Variants in C7orf33 observed in about 807,000 individuals in gnomAD.
The protein encoded by C7orf33 is chromosome 7 open reading frame 33.
Under a neutral mutation model 13.4 loss-of-function variants are expected in C7orf33, and 15 were observed. The ratio of observed to expected loss-of-function variants is 1.12; its 90% CI spans 0.75 to 1.72. The LOEUF (loss-of-function observed/expected upper bound fraction) is 1.72, where lower values mean the gene tolerates loss of function less well. Among genes scored for constraint, C7orf33 ranks in the 40% most tolerant of loss-of-function variants. The pLI, the probability that C7orf33 is intolerant of heterozygous loss-of-function variation, is 0.00. For missense variants in C7orf33, 187 were observed against 220.3 expected, an observed-to-expected ratio of 0.85 and a Z score of 0.96; for synonymous variants, 73 against 83.2, an observed-to-expected ratio of 0.88 and a Z score of 0.67.
At chr7:148,603,584 T>C (rs1032245760) in intron 1 of C7orf33, among the ~76,000 whole-genome samples, 1 of 152,148 alleles carries the variant, frequency 6.6e-6, no homozygotes, top group Non-Finnish European at 1.5e-5. Flanking sequence ...CAGCACTGCT[T>C]CTGAGTGAGA....
Position 148,614,269 on chromosome 7 carries a change from G to A in C7orf33, c.432G>A (p.Gly144=), listed in dbSNP as rs1262573991. The A allele has an allele frequency of 6.2e-7, 1 of 1,614,192 alleles. No individual in the cohort carries two copies. The highest frequency in any genetic ancestry group is 1.1e-5 in the South Asian group (1 of 91,080). ...LDLLTLSYKP[G]RTVTSSYLNV... Reference sequence around the variant, plus strand: ...TGCTAACTCTCTCTTACAAGCCTGGGAGGACAGTGACAAGTTCATACCTAA... The same window carrying A: ...TGCTAACTCTCTCTTACAAGCCTGGAAGGACAGTGACAAGTTCATACCTAA... The change falls in exon 2 of 3, where the codon GGG becomes GGA. Residue 144 remains glycine, a synonymous_variant. Coordinates refer to ENST00000307003, the MANE Select transcript of C7orf33 (RefSeq NM_145304.4).
chr7:148,609,158 A>G (rs1796509709), intron 1 of C7orf33, among the ~76,000 whole-genome samples: 1 of 151,912 alleles, frequency 6.6e-6, no homozygotes, highest in Admixed American at 6.6e-5. Flanking sequence ...GTAGCACATC[A>G]ACAAGATTCT....
chr7:148,613,537 A>G (rs905732879), intron 1 of C7orf33, among the ~76,000 whole-genome samples: 2 of 152,250 alleles, frequency 1.3e-5, no homozygotes, highest in African/African-American at 4.8e-5. Flanking sequence ...CCTTGAAAAC[A>G]TCACGCTAAG....
At chr7:148,606,102 A>G (rs1254368255) in intron 1 of C7orf33, among the ~76,000 whole-genome samples, 1 of 152,152 alleles carries the variant, frequency 6.6e-6, no homozygotes, top group East Asian at 1.9e-4. Context: ...CATCACCACC[A>G]CAAATCCCAA....
intron 1 of C7orf33, among the ~76,000 whole-genome samples, chr7:148,591,504 C>A (rs1402490612): frequency 6.6e-6 from 1 of 152,188 alleles, no homozygotes; most frequent in Non-Finnish European, 1.5e-5. Flanking sequence ...TCTTGGTCAC[C>A]CTTTGGCACA....
intron 1 of C7orf33, among the ~76,000 whole-genome samples, chr7:148,608,174 T>C (rs888215288): frequency 3.9e-5 from 6 of 152,172 alleles, no homozygotes; most frequent in Non-Finnish European, 8.8e-5. Context: ...TACGCCTGTA[T>C]TCCCAGCACT....
At chr7:148,594,717 A>G (rs1796309189) in intron 1 of C7orf33, among the ~76,000 whole-genome samples, 1 of 152,196 alleles carries the variant, frequency 6.6e-6, no homozygotes, top group Admixed American at 6.5e-5. Flanking sequence ...GGTTTAGGGA[A>G]AATATGATGA....
In C7orf33 at chr7:148,600,948, A is replaced by G. The variant is rs111798427; in HGVS notation, c.204+9819A>G. Among the ~76,000 whole-genome samples, 1,340 of 151,940 alleles carry G rather than the reference A, an allele frequency of 8.8e-3. 17 individuals carry two copies. Among genetic ancestry groups the G allele is most frequent in the African/African-American group, 0.031 (1,278 of 41,458 alleles). On this transcript the variant is annotated intron_variant, in intron 1 of 2. Transcript: ENST00000307003. ...CTCCTGAGTAGCTGGGACTACAGGC[A>G]CACGCCACCACACCCAGCTGATTTT...
intron 1 of C7orf33, among the ~76,000 whole-genome samples, chr7:148,595,578 TATAG>T (rs1398705100): frequency 7.5e-6 from 1 of 133,374 alleles, no homozygotes; most frequent in Non-Finnish European, 1.5e-5. Context: ...ATATATATAA[TATAG>T]ATCTATATTA....
rs1299616479 is a variant in C7orf33 at position 148,614,046 on chromosome 7, C to T, written c.209C>T (p.Pro70Leu). Reference protein sequence around the residue: ...LSYATGRHKKPNPHQNMNRGM... With the variant: ...LSYATGRHKKLNPHQNMNRGM... ...TTGTTTGTTTGTTTTTTCCAGAAGC[C>T]AAACCCACACCAAAACATGAACCGG... The change falls in exon 2 of 3, where the codon CCA (proline) becomes CTA (leucine). Residue 70 changes from proline (P) to leucine (L), a missense_variant. Coordinates refer to ENST00000307003, the MANE Select transcript of C7orf33 (RefSeq NM_145304.4). 3 of 1,613,308 alleles carry T rather than the reference C, an allele frequency of 1.9e-6. No individual in the cohort carries two copies. The African/African-American group carries it at 4.0e-5, about 22-fold the overall frequency.
chr7:148,603,413 C>T (rs971618087), intron 1 of C7orf33, among the ~76,000 whole-genome samples: 3 of 151,740 alleles, frequency 2.0e-5, no homozygotes, highest in Non-Finnish European at 1.5e-5. Flanking sequence ...AAAAATTGGC[C>T]GAAAATCGCT....
chr7:148,598,659 T>C (rs932013377), intron 1 of C7orf33, among the ~76,000 whole-genome samples: 2 of 139,918 alleles, frequency 1.4e-5, no homozygotes, highest in African/African-American at 5.4e-5. Flanking sequence ...TCTCTCTCTA[T>C]ATATATATAC....
At chr7:148,591,792 G>A (rs964669482) in intron 1 of C7orf33, among the ~76,000 whole-genome samples, 2 of 152,022 alleles carry the variant, frequency 1.3e-5, no homozygotes, top group African/African-American at 4.8e-5. Context: ...TGTTGCCCAG[G>A]CTGGTCTTGA....
intron 1 of C7orf33, among the ~76,000 whole-genome samples, chr7:148,600,547 ATACTGGGAACTTTT>A (rs1431914226): frequency 6.6e-6 from 1 of 152,212 alleles, no homozygotes; most frequent in Non-Finnish European, 1.5e-5. Flanking sequence ...TATAAGGGCA[ATACTGGGAACTTTT>A]TACTGTCAAT....
At chr7:148,605,255 G>GAGAAT (rs1210605406) in intron 1 of C7orf33, among the ~76,000 whole-genome samples, 1 of 152,210 alleles carries the variant, frequency 6.6e-6, no homozygotes, top group African/African-American at 2.4e-5. Flanking sequence ...GTGTTCAGAG[G>GAGAAT]AGAATAGTGG....
In C7orf33 at chr7:148,614,162, G is replaced by T; in HGVS notation, c.325G>T (p.Ala109Ser). 1 of 1,614,214 alleles carries T rather than the reference G, an allele frequency of 6.2e-7. No individual in the cohort carries two copies. Among genetic ancestry groups the T allele is most frequent in the South Asian group, 1.1e-5 (1 of 91,088 alleles). The change falls in exon 2 of 3, where the codon GCA becomes TCA. Residue 109 changes from alanine (A) to serine (S), a missense_variant. Coordinates refer to ENST00000307003, the MANE Select transcript of C7orf33 (RefSeq NM_145304.4). ...TCAAGGTCCCACGGATGCCCAGAGA[G>T]CAGTCAGAATCAGGCCAGGCACCAG... ...LSQGPTDAQR[A>S]VRIRPGTRMG...
intron 1 of C7orf33, among the ~76,000 whole-genome samples, chr7:148,595,601 T>C (rs1796326466): frequency 8.1e-6 from 1 of 123,748 alleles, no homozygotes; most frequent in Non-Finnish European, 1.6e-5. Context: ...TATATAGATA[T>C]ACATATTATA....
At chr7:148,598,846 T>C (rs1796381538) in intron 1 of C7orf33, among the ~76,000 whole-genome samples, 1 of 148,610 alleles carries the variant, frequency 6.7e-6, no homozygotes, top group African/African-American at 2.5e-5. Flanking sequence ...TGAAATTATT[T>C]ATCTTTTTTT....
intron 1 of C7orf33, among the ~76,000 whole-genome samples, chr7:148,600,398 G>A (rs928546500): frequency 6.6e-6 from 1 of 152,188 alleles, no homozygotes; most frequent in Admixed American, 6.5e-5. Flanking sequence ...TTGAACCAGG[G>A]AGGCAGAGGT....
Sources: allele counts gnomAD v4.1 joint callset (sites outside exome capture counted in the v4.1 genomes callset), GRCh38; gene constraint gnomAD v4.1.1; transcripts MANE v1.5; gene names NCBI Gene and HGNC (gene_info 2026-07-23, HGNC 2026-07-21).